The following RORA variants were observed in gnomAD, a reference collection of about 807,000 sequenced individuals.
RORA encodes RAR related orphan receptor A.
RORA carries 7 observed loss-of-function variants against 69.5 expected under a neutral mutation model. That is an observed-to-expected ratio of 0.10 (90% CI 0.06 to 0.19). The LOEUF is 0.19. Ranked by LOEUF, RORA falls within the 10% of genes least tolerant of loss-of-function variation. RORA has a pLI of 1.00. For synonymous variants in RORA, 261 were observed against 240.8 expected, an observed-to-expected ratio of 1.08 and a Z score of -0.78; for missense variants, 457 against 663.0, an observed-to-expected ratio of 0.69 and a Z score of 3.41.
chr15:60,717,796 C>CTTTTTTTTT (rs10653856), intron 1 of RORA, among the ~76,000 whole-genome samples: 19 of 91,980 alleles, frequency 2.1e-4, no homozygotes, highest in African/African-American at 3.8e-4. Flanking sequence ...TTCTTTTTCT[C>CTTTTTTTTT]TTTTTTTTTT....
chr15:61,119,702 T>C (rs2079085287), intron 1 of RORA, among the ~76,000 whole-genome samples: 1 of 152,134 alleles, frequency 6.6e-6, no homozygotes, highest in Non-Finnish European at 1.5e-5. Context: ...TCCTTCCCTG[T>C]CCCCAACCAC....
intron 1 of RORA, among the ~76,000 whole-genome samples, chr15:61,216,469 C>T (rs768678039): frequency 6.8e-6 from 1 of 148,122 alleles, no homozygotes; most frequent in Non-Finnish European, 1.5e-5. Context: ...TTGAATGGAA[C>T]CCTTGCAGAC....
intron 1 of RORA, among the ~76,000 whole-genome samples, chr15:60,891,156 A>G (rs1223806134): frequency 6.6e-6 from 1 of 152,242 alleles, no homozygotes; most frequent in Non-Finnish European, 1.5e-5. Context: ...GTGTGAGCCA[A>G]TATGATCCTG....
At chr15:60,943,311 T>C (rs1892756949) in intron 1 of RORA, among the ~76,000 whole-genome samples, 1 of 152,188 alleles carries the variant, frequency 6.6e-6, no homozygotes, top group Non-Finnish European at 1.5e-5. Flanking sequence ...TCTTAATTTT[T>C]TTTTTTTTTC....
chr15:60,611,285 T>G (rs2069079181), intron 2 of RORA, among the ~76,000 whole-genome samples: 1 of 151,998 alleles, frequency 6.6e-6, no homozygotes, highest in African/African-American at 2.4e-5. Context: ...AGACCCTTGT[T>G]TCAATATCTT....
At chr15:60,705,936 C>T (rs189178930) in intron 1 of RORA, among the ~76,000 whole-genome samples, 2 of 152,232 alleles carry the variant, frequency 1.3e-5, no homozygotes, top group East Asian at 3.9e-4. Flanking sequence ...AATTAATCCT[C>T]TTAGGGTCCC....
intron 1 of RORA, among the ~76,000 whole-genome samples, chr15:60,693,971 G>A (rs142437152): frequency 7.2e-5 from 11 of 152,066 alleles, no homozygotes; most frequent in African/African-American, 2.7e-4. Context: ...GAACCTAATA[G>A]GAGCCCGTAT....
At chr15:61,152,394 T>G (rs192638801) in intron 1 of RORA, among the ~76,000 whole-genome samples, 30 of 152,198 alleles carry the variant, frequency 2.0e-4, no homozygotes, top group African/African-American at 7.0e-4. Flanking sequence ...ATCTAATAGA[T>G]GTTTCCTTCC....
chr15:61,033,413 A>AAAC (rs370572319), intron 1 of RORA, among the ~76,000 whole-genome samples: 9 of 151,024 alleles, frequency 6.0e-5, no homozygotes, highest in South Asian at 2.1e-4. Flanking sequence ...ATTCTGAAAA[A>AAAC]AAAAACAAAA....
chr15:60,551,899 C>T (rs2067236610), intron 2 of RORA, among the ~76,000 whole-genome samples: 1 of 152,226 alleles, frequency 6.6e-6, no homozygotes, highest in Non-Finnish European at 1.5e-5. Flanking sequence ...TTATCCCAAC[C>T]TCCTCATTTC....
At chr15:60,931,228 G>A (rs1375110128) in intron 1 of RORA, among the ~76,000 whole-genome samples, 1 of 152,168 alleles carries the variant, frequency 6.6e-6, no homozygotes, top group Non-Finnish European at 1.5e-5. Flanking sequence ...TAGGAGGCAC[G>A]GAGGCACATT....
intron 2 of RORA, among the ~76,000 whole-genome samples, chr15:60,649,371 C>T (rs1413431143): frequency 6.6e-6 from 1 of 152,152 alleles, no homozygotes; most frequent in African/African-American, 2.4e-5. Flanking sequence ...CTCCCACACA[C>T]ATATTGAGGG....
chr15:61,183,811 A>G (rs1241745274), intron 1 of RORA, among the ~76,000 whole-genome samples: 1 of 152,162 alleles, frequency 6.6e-6, no homozygotes, highest in Non-Finnish European at 1.5e-5. Flanking sequence ...TGCTCAATAA[A>G]CAACTCTGCT....
At chr15:60,741,954 G>A (rs2071580914) in intron 1 of RORA, among the ~76,000 whole-genome samples, 1 of 152,112 alleles carries the variant, frequency 6.6e-6, no homozygotes, top group Non-Finnish European at 1.5e-5. Context: ...GACAGCGCCT[G>A]CGAGTTCCTT....
rs1566941686 is a variant in RORA at position 61,008,204 on chromosome 15, TGTG to T, written c.166+220846_166+220848del. On this transcript the variant is annotated intron_variant, in intron 1 of 10. Transcript: ENST00000335670. ...AGAATTTCAAAATTCTCTCTCTCTC[TGTG>T]TGTGTGTGTGTGTGTGTGTGTGTGT... Among the ~76,000 whole-genome samples the T allele has an allele frequency of 3.0e-3, 43 of 14,230 alleles. 1 individual carries two copies. Among genetic ancestry groups the T allele is most frequent in the Middle Eastern group, 0.071 (2 of 28 alleles). 9.3% of individuals were successfully genotyped at this position (14,230 alleles called of 152,430 possible). A position where few individuals can be genotyped will look rare whatever the true frequency, so the allele number is the denominator to read the frequency against.
intron 1 of RORA, among the ~76,000 whole-genome samples, chr15:60,785,051 G>A (rs1387925890): frequency 6.6e-6 from 1 of 152,168 alleles, no homozygotes; most frequent in Non-Finnish European, 1.5e-5. Context: ...TTCAATTAAA[G>A]ACAAAATCAA....
intron 1 of RORA, among the ~76,000 whole-genome samples, chr15:60,691,791 C>T (rs1210108403): frequency 6.6e-6 from 1 of 152,216 alleles, no homozygotes; most frequent in African/African-American, 2.4e-5. Flanking sequence ...ACAGGGCATG[C>T]ATGCCTCATC....
intron 1 of RORA, among the ~76,000 whole-genome samples, chr15:60,724,677 G>A (rs1236551844): frequency 6.6e-6 from 1 of 152,180 alleles, no homozygotes; most frequent in Non-Finnish European, 1.5e-5. Flanking sequence ...CCATATCTGA[G>A]TACTGTGTCT....
intron 1 of RORA, among the ~76,000 whole-genome samples, chr15:60,793,432 C>A (rs529978916): frequency 6.6e-6 from 1 of 152,168 alleles, no homozygotes; most frequent in Non-Finnish European, 1.5e-5. Flanking sequence ...AGCCACAATA[C>A]ATGTGCTCTG....
Sources: allele counts gnomAD v4.1 joint callset (sites outside exome capture counted in the v4.1 genomes callset), GRCh38; gene constraint gnomAD v4.1.1; transcripts MANE v1.5; gene names NCBI Gene and HGNC (gene_info 2026-07-23, HGNC 2026-07-21).